The following WDR37 variants were observed in gnomAD, a reference collection of about 807,000 sequenced individuals.
WDR37 encodes WD repeat-containing protein 37.
A neutral mutation model predicts 62.9 loss-of-function variants in WDR37; 19 were observed. The ratio of observed to expected loss-of-function variants is 0.30; its 90% CI spans 0.21 to 0.44. The LOEUF (loss-of-function observed/expected upper bound fraction) is 0.44, where lower values mean the gene tolerates loss of function less well. Among genes scored for constraint, WDR37 ranks in the 20% least tolerant of loss-of-function variants. WDR37 has a pLI of 1.00. For missense variants in WDR37, 474 were observed against 657.6 expected (o/e 0.72, Z 3.05); for synonymous variants, 250 against 260.9 (o/e 0.96, Z 0.40).
At chr10:1,127,958 A>G (rs1394534618) in intron 13 of WDR37, among the ~76,000 whole-genome samples, 1 of 152,238 alleles carries the variant, frequency 6.6e-6, no homozygotes, top group African/African-American at 2.4e-5. Context: ...TCTGCAGCGA[A>G]TGCCTTGAGT....
chr10:1,106,006 C>T (rs540227540), intron 11 of WDR37, among the ~76,000 whole-genome samples: 30 of 152,148 alleles, frequency 2.0e-4, no homozygotes, highest in African/African-American at 5.5e-4. Flanking sequence ...AGGATGGTCT[C>T]GATCTCCTGA....
At chr10:1,064,793 T>C (rs1280745278) in intron 1 of WDR37, among the ~76,000 whole-genome samples, 1 of 151,954 alleles carries the variant, frequency 6.6e-6, no homozygotes, top group Non-Finnish European at 1.5e-5. Context: ...GGTTTCACCA[T>C]GTTAGCCAGG....
chr10:1,091,685 C>T (rs890123844), intron 7 of WDR37, among the ~76,000 whole-genome samples: 1 of 152,200 alleles, frequency 6.6e-6, no homozygotes, highest in Non-Finnish European at 1.5e-5. Flanking sequence ...CATCCCAATT[C>T]CTGTCGTTTG....
Position 1,129,225 on chromosome 10 carries a change from A to G in WDR37, c.1366A>G (p.Met456Val). Reference sequence around the variant, plus strand: ...TGATCATCACTAGGGCCACAGGAGAATGGTATGCTGCTCGGCATGGAGTGA... The same window carrying G: ...TGATCATCACTAGGGCCACAGGAGAGTGGTATGCTGCTCGGCATGGAGTGA... ...PRSSRQGHRR[M>V]VCCSAWSEDH... The change falls in exon 14 of 14, where the codon ATG (methionine) becomes GTG (valine). Residue 456 changes from methionine (M) to valine (V), a missense_variant. Met to Val is a conservative substitution (Grantham distance 21). Transcript: ENST00000263150. The G allele has an allele frequency of 6.2e-7, 1 of 1,614,052 alleles. No individual in the cohort carries two copies. The highest frequency in any genetic ancestry group is 8.5e-7 in the Non-Finnish European group (1 of 1,179,970).
At chr10:1,083,887 T>G (rs1834109701) in intron 5 of WDR37, among the ~76,000 whole-genome samples, 1 of 152,224 alleles carries the variant, frequency 6.6e-6, no homozygotes, top group Non-Finnish European at 1.5e-5. Flanking sequence ...TTTTGATTCC[T>G]CCCCACCACA....
intron 9 of WDR37, among the ~76,000 whole-genome samples, chr10:1,101,028 T>A (rs1834778371): frequency 6.6e-6 from 1 of 152,182 alleles, no homozygotes; most frequent in Non-Finnish European, 1.5e-5. Context: ...CAAACACCTT[T>A]CCACCGTCTG....
At chr10:1,102,083 G>A (rs1056430165) in intron 9 of WDR37, among the ~76,000 whole-genome samples, 1 of 143,820 alleles carries the variant, frequency 7.0e-6, no homozygotes, top group African/African-American at 2.6e-5. Flanking sequence ...ATGTTTCCGT[G>A]CTGCCGTGCG....
At chr10:1,058,570 G>A (rs933603726) in intron 1 of WDR37, among the ~76,000 whole-genome samples, 2 of 152,204 alleles carry the variant, frequency 1.3e-5, no homozygotes, top group South Asian at 2.1e-4. Context: ...TAACTACTGA[G>A]ATCTTTTGAA....
intron 8 of WDR37, among the ~76,000 whole-genome samples, chr10:1,094,055 C>G (rs544523068): frequency 2.0e-5 from 3 of 152,302 alleles, no homozygotes; most frequent in East Asian, 3.9e-4. Context: ...TTGTCAGACC[C>G]CCACAGATCC....
At position 1,121,851 on chromosome 10, in the gene WDR37, G is replaced by A. The variant is rs1222015463; in HGVS notation, c.1104-2367G>A. Among the ~76,000 whole-genome samples, 1 of 152,032 alleles carries A rather than the reference G, an allele frequency of 6.6e-6. No individual in the cohort carries two copies. The highest frequency in any genetic ancestry group is 1.9e-4 in the East Asian group (1 of 5,190). On this transcript the variant is annotated intron_variant, in intron 11 of 13. Coordinates refer to ENST00000263150, the MANE Select transcript of WDR37 (RefSeq NM_014023.4). This position sits in a 1 kb window ranked among gnomAD's most constrained non-coding sequence, Gnocchi z 4.5. ...TGAGAATGCAGACGTGAAAACGGTCGCCGCCGCATCATCCTGACTGTGTTC... is the reference window on the plus strand; with the variant it reads ...TGAGAATGCAGACGTGAAAACGGTCACCGCCGCATCATCCTGACTGTGTTC...
intron 1 of WDR37, among the ~76,000 whole-genome samples, chr10:1,065,701 A>G (rs774544277): frequency 3.3e-5 from 5 of 152,364 alleles, no homozygotes; most frequent in Non-Finnish European, 7.4e-5. Context: ...AACAGCACCT[A>G]CAAAAAAATC....
rs1465463549 is a variant in WDR37 at position 1,056,478 on chromosome 10, G to C, written c.-531G>C. The C allele has an allele frequency of 6.6e-6, 1 of 152,136 alleles. No individual in the cohort carries two copies. The highest frequency in any genetic ancestry group is 2.4e-5 in the African/African-American group (1 of 41,442). 9.4% of individuals were successfully genotyped at this position (152,136 alleles called of 1,614,324 possible). On this transcript the variant is annotated 5_prime_UTR_variant, in exon 1 of 14. Coordinates refer to ENST00000263150, the MANE Select transcript of WDR37 (RefSeq NM_014023.4). ...TGAGCGCAGGCGGCCCCGGGTCTCA[G>C]GCCTCAGGCGGACCGCGCCCCGGGC...
At chr10:1,082,343 C>T (rs897919947) in intron 5 of WDR37, among the ~76,000 whole-genome samples, 1 of 152,180 alleles carries the variant, frequency 6.6e-6, no homozygotes, top group East Asian at 1.9e-4. Flanking sequence ...GGTTTTTCCC[C>T]TTCCTGGGTG....
At chr10:1,062,609 A>G (rs191084753) in intron 1 of WDR37, among the ~76,000 whole-genome samples, 1 of 152,324 alleles carries the variant, frequency 6.6e-6, no homozygotes, top group East Asian at 1.9e-4. Flanking sequence ...CATACTCCAT[A>G]AACTACAAAG....
At position 1,108,739 on chromosome 10, in the gene WDR37, GCC is replaced by G. The variant is rs3055726; in HGVS notation, c.1103+3483_1103+3484del. 9.7e-3 allele frequency among the ~76,000 whole-genome samples: 1,083 copies of G among 111,832 alleles called. 83 individuals carry two copies. The highest frequency in any genetic ancestry group is 0.029 in the African/African-American group (701 of 24,530). 73.4% of individuals were successfully genotyped at this position (111,832 alleles called of 152,430 possible). ...TTGCTTTGGTTTTGGCTTCTGTGATGCCCCCCCCCCCCGTGGAACCTGCAGGG... is the reference window on the plus strand; with the variant it reads ...TTGCTTTGGTTTTGGCTTCTGTGATGCCCCCCCCCCGTGGAACCTGCAGGG... On this transcript the variant is annotated intron_variant, in intron 11 of 13. Transcript: ENST00000263150.
chr10:1,115,857 G>A (rs943109058), intron 11 of WDR37, among the ~76,000 whole-genome samples: 3 of 152,176 alleles, frequency 2.0e-5, no homozygotes, highest in African/African-American at 7.2e-5. Flanking sequence ...AGGGCCTCTG[G>A]GGCGGAAGTG....
chr10:1,079,596 G>A (rs576979613), intron 3 of WDR37, among the ~76,000 whole-genome samples: 13 of 151,444 alleles, frequency 8.6e-5, no homozygotes, highest in East Asian at 7.8e-4. Context: ...GTGCTGTGGC[G>A]TGATCTCGGC....
Position 1,069,389 on chromosome 10 carries a change from A to ATATATATATTTTT in WDR37, c.-40-2726_-40-2725insATATATATTTTTT. On this transcript the variant is annotated intron_variant, in intron 1 of 13. Coordinates refer to ENST00000263150, the MANE Select transcript of WDR37 (RefSeq NM_014023.4). Reference sequence around the variant, plus strand: ...GGAAAGAATATATATATATATATATATTTTTTTTTTTTTTTTTTGCAGCAG... The same window carrying ATATATATATTTTT: ...GGAAAGAATATATATATATATATATATATATATATTTTTTTTTTTTTTTTTTTTTTTGCAGCAG... Among the ~76,000 whole-genome samples the ATATATATATTTTT allele has an allele frequency of 5.5e-4, 53 of 95,770 alleles. 2 individuals carry two copies. The highest frequency in any genetic ancestry group is 1.8e-3 in the African/African-American group (38 of 21,340). The allele number at this position is 95,770 out of a possible 152,430, so 62.8% of individuals were successfully genotyped here.
At chr10:1,076,010 C>G (rs1833868907) in intron 2 of WDR37, among the ~76,000 whole-genome samples, 1 of 152,164 alleles carries the variant, frequency 6.6e-6, no homozygotes, top group Non-Finnish European at 1.5e-5. Context: ...GAACTCCTGA[C>G]TTCAGGTGAT....
Sources: gnomAD v4.1 joint callset for allele counts (sites outside exome capture counted in the v4.1 genomes callset) on GRCh38, gnomAD v4.1.1 for gene constraint, Gnocchi (gnomAD v3.1) non-coding constraint, MANE v1.5 for transcripts, NCBI Gene and HGNC (gene_info 2026-07-23, HGNC 2026-07-21) for gene names.